PILRA: variants seen among roughly 807,000 people sequenced by gnomAD.
PILRA encodes the protein paired immunoglobin like type 2 receptor alpha, also known as paired immunoglobulin-like type 2 receptor alpha.
A neutral mutation model predicts 33.1 loss-of-function variants in PILRA; 37 were observed. That is an observed-to-expected ratio of 1.12 (90% CI 0.86 to 1.47). The LOEUF is 1.47. PILRA is among the 40% of genes most tolerant of loss of function. The pLI is 0.00. For missense variants in PILRA, 312 were observed against 376.2 expected, an observed-to-expected ratio of 0.83 and a Z score of 1.41; for synonymous variants, 146 against 149.9, an observed-to-expected ratio of 0.97 and a Z score of 0.19.
At chr7:100,390,177 T>C in intron 3 of PILRA, 71 bp downstream of exon 3, 2 of 1,361,364 alleles carry the variant, frequency 1.5e-6, no homozygotes, top group Non-Finnish European at 2.1e-6. Context: ...CCTGCAGCTA[T>C]GGGGCTCCTG....
upstream of PILRA, among the ~76,000 whole-genome samples, chr7:100,372,384 G>A (rs919033739): frequency 2.6e-5 from 4 of 152,100 alleles, no homozygotes; most frequent in Admixed American, 6.6e-5. Context: ...AGGGAGGCCC[G>A]TCCCTGCCTG....
intron 2 of PILRA, among the ~76,000 whole-genome samples, chr7:100,383,487 G>A (rs991338546): frequency 6.6e-5 from 10 of 152,314 alleles, no homozygotes; most frequent in Non-Finnish European, 1.3e-4. Flanking sequence ...AAGTGTGGCT[G>A]AAGACAGGGA....
At chr7:100,396,879 G>C (rs1003755175) in intron 3 of PILRA, among the ~76,000 whole-genome samples, 1 of 151,950 alleles carries the variant, frequency 6.6e-6, no homozygotes, top group African/African-American at 2.4e-5. Flanking sequence ...TTTCAGTTTT[G>C]CAAGATGAAA....
intron 2 of PILRA, among the ~76,000 whole-genome samples, chr7:100,380,582 G>C (rs1336133753): frequency 6.6e-6 from 1 of 152,114 alleles, no homozygotes; most frequent in Non-Finnish European, 1.5e-5. Flanking sequence ...GATTATTTGA[G>C]GCCAGGAGTT....
chr7:100,381,287 C>T (rs1299653645), intron 2 of PILRA, among the ~76,000 whole-genome samples: 1 of 151,372 alleles, frequency 6.6e-6, no homozygotes, highest in Non-Finnish European at 1.5e-5. Context: ...AACAAACAAA[C>T]AAAAAACAAC....
chr7:100,380,174 G>A (rs1393000077), intron 2 of PILRA, among the ~76,000 whole-genome samples: 1 of 152,198 alleles, frequency 6.6e-6, no homozygotes, highest in Non-Finnish European at 1.5e-5. Context: ...ACTGGGGTCT[G>A]GTCCTCATAC....
chr7:100,373,924 G>C (rs1790880368), intron 1 of PILRA, 120 bp from the exon 2 acceptor site: 1 of 1,388,116 alleles, frequency 7.2e-7, no homozygotes, highest in African/African-American at 1.4e-5. Context: ...CCAGAGGTCA[G>C]TCCAGCCACC....
At position 100,399,865 on chromosome 7, in the gene PILRA, G is replaced by T; in HGVS notation, c.870G>T (p.Lys290Asn). ...PRAPPSHRPL[K>N]SPQNETLYSV... ...CACCTCCCAGCCACCGTCCCCTCAAGAGCCCCCAGAACGAGACCCTGTACT... is the reference window on the plus strand; with the variant it reads ...CACCTCCCAGCCACCGTCCCCTCAATAGCCCCCAGAACGAGACCCTGTACT... The change falls in exon 7 of 7, where the codon AAG (lysine) becomes AAT (asparagine). Residue 290 changes from lysine to asparagine, a missense_variant. By Grantham distance (94) the Lys-to-Asn change is moderately conservative. Coordinates refer to ENST00000198536, the MANE Select transcript of PILRA (RefSeq NM_013439.3). The T allele has an allele frequency of 1.9e-6, 3 of 1,613,464 alleles. No homozygotes were observed. Among genetic ancestry groups the T allele is most frequent in the Non-Finnish European group, 2.5e-6 (3 of 1,179,714 alleles).
chr7:100,380,940 C>T (rs556878542), intron 2 of PILRA, among the ~76,000 whole-genome samples: 38 of 151,882 alleles, frequency 2.5e-4, no homozygotes, highest in African/African-American at 9.2e-4. Context: ...CACTGCACTC[C>T]AGCCTGAGTG....
intron 3 of PILRA, among the ~76,000 whole-genome samples, chr7:100,393,090 G>A (rs1791420329): frequency 6.6e-6 from 1 of 152,094 alleles, no homozygotes; most frequent in Non-Finnish European, 1.5e-5. Context: ...GACCAGCCTG[G>A]TCAACATGGT....
chr7:100,375,488 T>C (rs976106248), intron 2 of PILRA, among the ~76,000 whole-genome samples: 2 of 152,110 alleles, frequency 1.3e-5, no homozygotes, highest in Non-Finnish European at 2.9e-5. Flanking sequence ...TCACAACACT[T>C]TGGGAGGCCA....
At chr7:100,395,464 A>C (rs1791474884) in intron 3 of PILRA, among the ~76,000 whole-genome samples, 2 of 152,184 alleles carry the variant, frequency 1.3e-5, no homozygotes. Flanking sequence ...GTGAGAAATA[A>C]TTTTTGCTTT....
At chr7:100,399,638 G>A (rs774754687) in intron 6 of PILRA, 26 bp downstream of exon 6, 1 of 1,613,924 alleles carries the variant, frequency 6.2e-7, no homozygotes, top group Non-Finnish European at 8.5e-7. Flanking sequence ...AGGGCCTGAA[G>A]GAATTAAAGA....
intron 3 of PILRA, 75 bp downstream of exon 3, chr7:100,390,181 G>T: frequency 1.5e-6 from 2 of 1,339,212 alleles, no homozygotes; most frequent in Non-Finnish European, 2.1e-6. Flanking sequence ...CAGCTATGGG[G>T]CTCCTGAAAT....
chr7:100,388,917 A>C (rs965227319), intron 2 of PILRA, among the ~76,000 whole-genome samples: 2 of 152,136 alleles, frequency 1.3e-5, no homozygotes, highest in African/African-American at 4.8e-5. Flanking sequence ...GTTTCCATTG[A>C]GGTGGATTGT....
Position 100,397,916 on chromosome 7 carries a change from A to AGT in PILRA, c.707+6_707+7dup. 6.2e-7 allele frequency: 1 copy of AGT among 1,613,756 alleles called. No individual in the cohort carries two copies. Among genetic ancestry groups the AGT allele is most frequent in the Non-Finnish European group, 8.5e-7 (1 of 1,179,710 alleles). ...CTAAAGCCACAACCCCAGCCAGGTGAGTGCTGGGCCTCCCCAGGGTGGGTT... is the reference window on the plus strand; with the variant it reads ...CTAAAGCCACAACCCCAGCCAGGTGAGTGTGCTGGGCCTCCCCAGGGTGGGTT... On this transcript the variant is annotated splice_donor_region_variant and intron_variant, in intron 4 of 6. Coordinates refer to ENST00000198536, the MANE Select transcript of PILRA (RefSeq NM_013439.3).
intron 2 of PILRA, among the ~76,000 whole-genome samples, chr7:100,382,221 C>T (rs1054930795): frequency 3.3e-5 from 5 of 152,268 alleles, no homozygotes; most frequent in East Asian, 1.9e-4. Context: ...CTTGGAGAAA[C>T]CTTTATGTCT....
chr7:100,371,830 A>G, upstream of PILRA, among the ~76,000 whole-genome samples: 1 of 152,202 alleles, frequency 6.6e-6, no homozygotes, highest in East Asian at 1.9e-4. Flanking sequence ...ACCATCCCAG[A>G]GCAGAAATCC....
chr7:100,382,951 A>G (rs913039692), intron 2 of PILRA, among the ~76,000 whole-genome samples: 1 of 152,256 alleles, frequency 6.6e-6, no homozygotes, highest in Non-Finnish European at 1.5e-5. Flanking sequence ...CCGTGGCTTC[A>G]TTCTTGAAGT....
Sources: allele counts gnomAD v4.1 joint callset (sites outside exome capture counted in the v4.1 genomes callset), GRCh38; gene constraint gnomAD v4.1.1; transcripts MANE v1.5; gene names NCBI Gene and HGNC (gene_info 2026-07-23, HGNC 2026-07-21).